The following CKB variants were observed in gnomAD, a reference collection of about 807,000 sequenced individuals.
The protein encoded by CKB is creatine kinase B.
A neutral mutation model predicts 36.9 loss-of-function variants in CKB; 15 were observed. That is an observed-to-expected ratio of 0.41 (90% CI 0.27 to 0.63). CKB has a LOEUF of 0.63. CKB is among the 20% of genes least tolerant of loss of function. The probability of loss-of-function intolerance (pLI) is 0.34; values close to 1 mark genes in which losing one functional copy is unlikely to be tolerated. For synonymous variants in CKB, 250 were observed against 228.2 expected, an observed-to-expected ratio of 1.10 and a Z score of -0.86; for missense variants, 413 against 534.9, an observed-to-expected ratio of 0.77 and a Z score of 2.25.
Position 103,522,218 on chromosome 14 carries a change from C to T in CKB, c.194-41G>A. On this transcript the variant is annotated intron_variant, in intron 2 of 7. Coordinates refer to ENST00000348956, the MANE Select transcript of CKB (RefSeq NM_001823.5). This position sits in a 1 kb window ranked among gnomAD's most constrained non-coding sequence, Gnocchi z 6.7. ...CGGGACGGGGACAGTGACGTCACTG[C>T]CGGGCCCGAGCGCGCTGCTGAGGAC... 6.3e-7 allele frequency: 1 copy of T among 1,584,848 alleles called. No individual in the cohort carries two copies. The highest frequency in any genetic ancestry group is 8.6e-7 in the Non-Finnish European group (1 of 1,167,268).
intron 5 of CKB, 162 bp from the exon 6 acceptor site, chr14:103,520,754 G>C (rs1386883536): frequency 4.0e-6 from 4 of 1,009,746 alleles, no homozygotes; most frequent in East Asian, 5.5e-5. Flanking sequence ...CGGGGGAACC[G>C]GGACGCCTCA....
In CKB at chr14:103,520,291, A is replaced by G. The variant is rs1472871202; in HGVS notation, c.798T>C (p.Ser266=). The G allele has an allele frequency of 1.9e-6, 3 of 1,607,834 alleles. No homozygotes were observed. Among genetic ancestry groups the G allele is most frequent in the Admixed American group, 1.7e-5 (1 of 59,218 alleles). The change falls in exon 7 of 8, where the codon TCT becomes TCC. Residue 266 remains serine, a synonymous_variant. Coordinates refer to ENST00000348956, the MANE Select transcript of CKB (RefSeq NM_001823.5). The part of the protein sequence containing the change: ...GLTQIETLFK[S]KDYEFMWNPH... ...GGTTCCACATGAACTCATAGTCCTT[A>G]GACTTGAAGAGAGTTTCAATCTGCA...
rs376353741 is a variant in CKB at position 103,520,114 on chromosome 14, C to T, written c.967+8G>A. On this transcript the variant is annotated splice_region_variant and intron_variant, in intron 7 of 7. Transcript: ENST00000348956. Reference sequence around the variant, plus strand: ...GCCACGGGAAGCCGCAGCACCTGCCCTGCTCACCTGTGCCTCGCTTCTGAA... The same window carrying T: ...GCCACGGGAAGCCGCAGCACCTGCCTTGCTCACCTGTGCCTCGCTTCTGAA... 6 of 1,603,006 alleles carry T rather than the reference C, an allele frequency of 3.7e-6. No individual in the cohort carries two copies. Among genetic ancestry groups the T allele is most frequent in the Non-Finnish European group, 5.1e-6 (6 of 1,174,172 alleles).
At chr14:103,521,993 C>CGCCCGCCCG (rs780379841) in intron 3 of CKB, 30 bp downstream of exon 3, 2 of 1,545,874 alleles carry the variant, frequency 1.3e-6, no homozygotes, top group Non-Finnish European at 1.7e-6. Flanking sequence ...ACCCCGGCCC[C>CGCCCGCCCG]GCCCGCCCGG....
At position 103,520,048 on chromosome 14, in the gene CKB, G is replaced by GA; in HGVS notation, c.968-7dup. The GA allele has an allele frequency of 6.2e-7, 1 of 1,609,542 alleles. No individual in the cohort carries two copies. The highest frequency in any genetic ancestry group is 8.5e-7 in the Non-Finnish European group (1 of 1,179,546). ...CGCAGCCGTGTCCACACCGCCTGGG[G>GA]AGACAGCAAGTCAGGGCGGAGGAAA... On this transcript the variant is annotated splice_polypyrimidine_tract_variant and splice_region_variant and intron_variant, in intron 7 of 7. Transcript: ENST00000348956.
rs757601698 is a variant in CKB at position 103,522,439 on chromosome 14, C to T, written c.55G>A (p.Glu19Lys). 3 of 1,609,810 alleles carry T rather than the reference C, an allele frequency of 1.9e-6. No homozygotes were observed. The highest frequency in any genetic ancestry group is 1.7e-6 in the Non-Finnish European group (2 of 1,178,674). ...TTGTGGGCGCTCAGGTCGGGGAACT[C>T]GTCCTCGGCCGGGAAGCGCAGCTTC... is the stretch of plus-strand genomic sequence containing the variant. ...ALKLRFPAED[E>K]FPDLSAHNNH... is the part of the protein sequence containing the mutation. Residue 19 changes from glutamate (E) to lysine (K), a missense_variant, in exon 2 of 8, where the codon GAG (glutamate) becomes AAG (lysine). Glu to Lys is a moderately conservative substitution (Grantham distance 56). Around this residue, in one of 3 missense-constraint regions of CKB, gnomAD observed 74 missense variants for 70.6 expected, o/e 1.05. Transcript: ENST00000348956. The surrounding 1 kb of genome is among the most constrained non-coding windows in gnomAD (Gnocchi z 6.7).
At chr14:103,520,380 A>G (rs2075891933) in intron 6 of CKB, 69 bp from the exon 7 acceptor site, 2 of 1,586,490 alleles carry the variant, frequency 1.3e-6, no homozygotes, top group Non-Finnish European at 8.6e-7. Flanking sequence ...GAGACTCCCC[A>G]GTGCCGGAAA....
At chr14:103,520,432 G>A (rs971346285) in intron 6 of CKB, 37 bp downstream of exon 6, 1 of 1,591,368 alleles carries the variant, frequency 6.3e-7, no homozygotes, top group Non-Finnish European at 8.6e-7. Context: ...CATCCCTGCT[G>A]GGGCCCTGGG....
At chr14:103,520,644 C>A (rs756513630) in intron 5 of CKB, 52 bp from the exon 6 acceptor site, 1 of 1,563,588 alleles carries the variant, frequency 6.4e-7, no homozygotes, top group East Asian at 2.3e-5. Context: ...CCAGGCCGCC[C>A]CCAGACCAAA....
At chr14:103,521,224 G>T in intron 5 of CKB, 39 bp downstream of exon 5, 2 of 1,545,982 alleles carry the variant, frequency 1.3e-6, no homozygotes, top group Non-Finnish European at 1.7e-6. Context: ...AGGTAGCGGG[G>T]AGGGAGGACG....
In CKB at chr14:103,522,467, T is replaced by C. The variant is rs530112612; in HGVS notation, c.27A>G (p.Ala9=). The change falls in exon 2 of 8, where the codon GCA becomes GCG. Residue 9 remains alanine, a synonymous_variant. Transcript: ENST00000348956. This position sits in a 1 kb window ranked among gnomAD's most constrained non-coding sequence, Gnocchi z 6.7. The part of the protein sequence containing the change: MPFSNSHN[A]LKLRFPAEDE... The stretch of plus-strand genomic sequence containing the variant: ...CCTCGGCCGGGAAGCGCAGCTTCAG[T>C]GCGTTGTGGCTGTTGGAGAAGGGCA... 10 of 1,604,022 alleles carry C rather than the reference T, an allele frequency of 6.2e-6. No individual in the cohort carries two copies. Among genetic ancestry groups the C allele is most frequent in the Middle Eastern group, 3.3e-4 (2 of 6,020 alleles).
chr14:103,520,837 C>A, intron 5 of CKB: 1 of 535,518 alleles, frequency 1.9e-6, no homozygotes, highest in African/African-American at 1.9e-5. Flanking sequence ...GCCAGGACAG[C>A]CCGACCCGCC....
chr14:103,521,648 G>A, intron 4 of CKB, 170 bp downstream of exon 4: 1 of 971,184 alleles, frequency 1.0e-6, no homozygotes, highest in Non-Finnish European at 1.4e-6. Context: ...CGCTGTGGGC[G>A]CGGGGCTGGG....
chr14:103,522,509 CG>C lies in CKB; in HGVS notation c.-12-5del. On this transcript the variant is annotated splice_polypyrimidine_tract_variant and splice_region_variant and intron_variant, in intron 1 of 7. Transcript: ENST00000348956. This position sits in a 1 kb window ranked among gnomAD's most constrained non-coding sequence, Gnocchi z 6.7. ...AGAAGGGCATGGCGGCGGCGGGCTG[CG>C]GGGAGACGCGGGGTCAGAGGGGACC... 7.4e-7 allele frequency: 1 copy of C among 1,357,848 alleles called. No homozygotes were observed. 84.1% of individuals were successfully genotyped at this position (1,357,848 alleles called of 1,614,324 possible). A position where few individuals can be genotyped will look rare whatever the true frequency, so the allele number is the denominator to read the frequency against.
Position 103,522,511 on chromosome 14 carries a change from G to C in CKB, c.-12-6C>G, listed in dbSNP as rs1056596056. The C allele has an allele frequency of 1.8e-5, 29 of 1,587,744 alleles. No homozygotes were observed. The highest frequency in any genetic ancestry group is 2.4e-5 in the Non-Finnish European group (28 of 1,173,492). On this transcript the variant is annotated splice_region_variant and splice_polypyrimidine_tract_variant and intron_variant, in intron 1 of 7. Transcript: ENST00000348956. The surrounding 1 kb of genome is among the most constrained non-coding windows in gnomAD (Gnocchi z 6.7). ...AAGGGCATGGCGGCGGCGGGCTGCG[G>C]GGAGACGCGGGGTCAGAGGGGACCG...
chr14:103,521,924 G>A lies in CKB; in HGVS notation c.375C>T (p.Tyr125=), dbSNP rs2075904238. Residue 125 remains tyrosine (Y), a synonymous_variant, in exon 4 of 8, where the codon TAC becomes TAT. Transcript: ENST00000348956. ...LQGGDDLDPN[Y]VLSSRVRTGR... The stretch of plus-strand genomic sequence containing the variant: ...CCGTGCGCACCCGCGAGCTCAGCAC[G>A]TAGTTGGGGTCCAGGTCGTCGCCGC... The A allele has an allele frequency of 1.3e-6, 2 of 1,581,426 alleles. No individual in the cohort carries two copies.
rs764901418 is a variant in CKB, at chr14:103,522,223, C to G, written c.194-46G>C. The stretch of plus-strand genomic sequence containing the variant: ...CGGGGACAGTGACGTCACTGCCGGG[C>G]CCGAGCGCGCTGCTGAGGACCCTGC... On this transcript the variant is annotated intron_variant, in intron 2 of 7. Coordinates refer to ENST00000348956, the MANE Select transcript of CKB (RefSeq NM_001823.5). The surrounding 1 kb of genome is among the most constrained non-coding windows in gnomAD (Gnocchi z 6.7). 5.1e-6 allele frequency: 8 copies of G among 1,581,734 alleles called. No homozygotes were observed. The Admixed American group carries it at 1.4e-4, about 28-fold the overall frequency.
rs2075910375 is a variant in CKB at position 103,522,406 on chromosome 14, T to C, written c.88A>G (p.Met30Val). 1.9e-6 allele frequency: 3 copies of C among 1,609,032 alleles called. No homozygotes were observed. The highest frequency in any genetic ancestry group is 1.7e-5 in the Admixed American group (1 of 59,360). Residue 30 changes from methionine to valine, a missense_variant, in exon 2 of 8, where the codon ATG becomes GTG. By Grantham distance (21) the Met-to-Val change is conservative. Coordinates refer to ENST00000348956, the MANE Select transcript of CKB (RefSeq NM_001823.5). This position sits in a 1 kb window ranked among gnomAD's most constrained non-coding sequence, Gnocchi z 6.7. ...AGCTCGGGGGTCAGCACCTTGGCCATGTGGTTGTTGTGGGCGCTCAGGTCG... is the reference window on the plus strand; with the variant it reads ...AGCTCGGGGGTCAGCACCTTGGCCACGTGGTTGTTGTGGGCGCTCAGGTCG... ...FPDLSAHNNH[M>V]AKVLTPELYA...
intron 4 of CKB, 113 bp downstream of exon 4, chr14:103,521,705 G>T: frequency 1.7e-6 from 2 of 1,205,072 alleles, no homozygotes; most frequent in Non-Finnish European, 2.1e-6. Flanking sequence ...GGCGCGCGCA[G>T]ATAAGAGCGC....
Sources: gnomAD v4.1 joint callset for allele counts on GRCh38, gnomAD v4.1.1 for gene constraint, gnomAD v4.1.1 regional missense constraint, Gnocchi (gnomAD v3.1) non-coding constraint, MANE v1.5 for transcripts, NCBI Gene and HGNC (gene_info 2026-07-23, HGNC 2026-07-21) for gene names.